PDE4B: variants seen among roughly 807,000 people sequenced by gnomAD.
The protein encoded by PDE4B is 3',5'-cyclic-AMP phosphodiesterase 4B.
Under a neutral mutation model 82.2 loss-of-function variants are expected in PDE4B, and 20 were observed. The observed-to-expected ratio is 0.24, with a 90% confidence interval of 0.17 to 0.35. The LOEUF (loss-of-function observed/expected upper bound fraction) is 0.35, where lower values mean the gene tolerates loss of function less well. PDE4B is among the 10% of genes least tolerant of loss of function. The probability of loss-of-function intolerance (pLI) is 1.00; values close to 1 mark genes in which losing one functional copy is unlikely to be tolerated. For synonymous variants in PDE4B, 320 were observed against 318.9 expected (o/e 1.00, Z -0.04); for missense variants, 655 against 907.2 (o/e 0.72, Z 3.57).
chr1:65,847,132 G>A (rs1279237477), intron 1 of PDE4B, among the ~76,000 whole-genome samples: 1 of 152,162 alleles, frequency 6.6e-6, no homozygotes, highest in African/African-American at 2.4e-5. Context: ...TCTAGATACT[G>A]TAGTTGTCAT....
rs541957899 is a variant in PDE4B, at chr1:66,141,924, C to T, written c.282-105536C>T. Among the ~76,000 whole-genome samples the T allele has an allele frequency of 3.9e-5, 6 of 152,054 alleles. No individual in the cohort carries two copies. In the South Asian group the frequency reaches 6.2e-4, roughly 16 times the overall value. ...GCTGAACCCTCGCACAGTTCCAAAT[C>T]GAATATTACTTTTATTCCCCCCACC... On this transcript the variant is annotated intron_variant, in intron 3 of 16. Coordinates refer to ENST00000341517, the MANE Select transcript of PDE4B (RefSeq NM_002600.4).
chr1:65,891,732 A>G (rs1267158396), intron 1 of PDE4B, among the ~76,000 whole-genome samples: 1 of 152,092 alleles, frequency 6.6e-6, no homozygotes, highest in Non-Finnish European at 1.5e-5. Flanking sequence ...GCATGGCAGA[A>G]TTTTATTGCA....
chr1:66,257,831 T>A lies in PDE4B; in HGVS notation c.552T>A (p.Thr184=). The A allele has an allele frequency of 3.7e-6, 6 of 1,613,264 alleles. No homozygotes were observed. Among genetic ancestry groups the A allele is most frequent in the Admixed American group, 3.3e-5 (2 of 59,970 alleles). ...ASLRSVRNNF[T]ILTNLHGTSN... The stretch of plus-strand genomic sequence containing the variant: ...TGCGAAGTGTGAGAAACAACTTCAC[T>A]ATACTGACAAACCTTCATGGTACAT... Residue 184 remains threonine, a synonymous_variant, in exon 6 of 17, where the codon ACT becomes ACA. Coordinates refer to ENST00000341517, the MANE Select transcript of PDE4B (RefSeq NM_002600.4).
At chr1:66,155,544 G>C (rs1570358881) in intron 3 of PDE4B, among the ~76,000 whole-genome samples, 1 of 151,796 alleles carries the variant, frequency 6.6e-6, no homozygotes, top group East Asian at 1.9e-4. Context: ...ACATAATCTA[G>C]AGCTGATTTT....
At chr1:65,902,371 T>A (rs1275071712) in intron 1 of PDE4B, among the ~76,000 whole-genome samples, 1 of 152,162 alleles carries the variant, frequency 6.6e-6, no homozygotes, top group Non-Finnish European at 1.5e-5. Context: ...AGTCACTAAT[T>A]GAGCTCTTAT....
chr1:66,308,655 G>A (rs1354309980), intron 7 of PDE4B, among the ~76,000 whole-genome samples: 2 of 152,084 alleles, frequency 1.3e-5, no homozygotes, highest in Admixed American at 6.6e-5. Flanking sequence ...GTACTTATGA[G>A]ATTCATTCCT....
chr1:65,921,230 A>G (rs549140316), intron 3 of PDE4B, among the ~76,000 whole-genome samples: 1 of 152,066 alleles, frequency 6.6e-6, no homozygotes, highest in South Asian at 2.1e-4. Flanking sequence ...GGCCTCCCAA[A>G]GTGCTGGGAT....
intron 1 of PDE4B, among the ~76,000 whole-genome samples, chr1:65,879,206 A>G (rs1646683031): frequency 6.6e-6 from 1 of 152,168 alleles, no homozygotes; most frequent in Non-Finnish European, 1.5e-5. Context: ...CCCAGGCCAT[A>G]AAATACAAAC....
chr1:66,299,490 T>C (rs1363307728), intron 7 of PDE4B, among the ~76,000 whole-genome samples: 1 of 152,174 alleles, frequency 6.6e-6, no homozygotes, highest in Non-Finnish European at 1.5e-5. Context: ...GCTAATTCCA[T>C]ATCTTGGCTA....
intron 3 of PDE4B, among the ~76,000 whole-genome samples, chr1:66,052,574 T>G (rs1655093825): frequency 7.0e-6 from 1 of 143,736 alleles, no homozygotes; most frequent in East Asian, 2.3e-4. Context: ...TTTTTTTGCC[T>G]TTCTTCTCTC....
chr1:66,173,788 T>A (rs1366747817), intron 3 of PDE4B, among the ~76,000 whole-genome samples: 1 of 152,182 alleles, frequency 6.6e-6, no homozygotes, highest in East Asian at 1.9e-4. Flanking sequence ...TTTTTTTGTT[T>A]GTTGGTTTGT....
intron 3 of PDE4B, among the ~76,000 whole-genome samples, chr1:66,086,023 G>T (rs1260625740): frequency 6.6e-6 from 1 of 152,056 alleles, no homozygotes; most frequent in African/African-American, 2.4e-5. Flanking sequence ...TGCTACCCAG[G>T]CTTTTGTGAT....
At chr1:66,246,432 A>G (rs1653316385) in intron 3 of PDE4B, among the ~76,000 whole-genome samples, 1 of 152,210 alleles carries the variant, frequency 6.6e-6, no homozygotes, top group South Asian at 2.1e-4. Flanking sequence ...AAAAAGGAGC[A>G]TCCTCAGCCC....
intron 3 of PDE4B, among the ~76,000 whole-genome samples, chr1:66,206,849 C>A (rs10454453): frequency 0.49 from 74,053 of 151,962 alleles, 19,150 homozygotes; most frequent in South Asian, 0.63. Flanking sequence ...TCTTTGAATC[C>A]CTAGCATGTA....
intron 1 of PDE4B, among the ~76,000 whole-genome samples, chr1:65,874,643 A>T (rs952061155): frequency 2.0e-5 from 3 of 152,030 alleles, no homozygotes; most frequent in Non-Finnish European, 2.9e-5. Context: ...ATAACGCCGC[A>T]TACCTACAAC....
At chr1:65,974,493 A>C (rs574509656) in intron 3 of PDE4B, among the ~76,000 whole-genome samples, 1 of 152,178 alleles carries the variant, frequency 6.6e-6, no homozygotes, top group Non-Finnish European at 1.5e-5. Flanking sequence ...TCCCTGGGTC[A>C]TGGCAGACAT....
chr1:65,903,537 T>C (rs1051185306), intron 1 of PDE4B, among the ~76,000 whole-genome samples: 2 of 151,978 alleles, frequency 1.3e-5, no homozygotes, highest in African/African-American at 4.8e-5. Context: ...GAGGCTGCAG[T>C]GAGCCATGGT....
chr1:65,890,609 G>C (rs565744941), intron 1 of PDE4B, among the ~76,000 whole-genome samples: 2 of 152,008 alleles, frequency 1.3e-5, no homozygotes, highest in African/African-American at 4.8e-5. Context: ...AATAATACCT[G>C]TAGTCAGCTG....
At chr1:65,804,521 T>C (rs146648658) in intron 1 of PDE4B, among the ~76,000 whole-genome samples, 27 of 152,322 alleles carry the variant, frequency 1.8e-4, no homozygotes, top group Non-Finnish European at 3.4e-4. Context: ...GCAAGTGTTT[T>C]GGACAGGAAG....
Sources: allele counts gnomAD v4.1 joint callset (sites outside exome capture counted in the v4.1 genomes callset), GRCh38; gene constraint gnomAD v4.1.1; transcripts MANE v1.5; gene names NCBI Gene and HGNC (gene_info 2026-07-23, HGNC 2026-07-21).